The following STRN variants were observed in gnomAD, a reference collection of about 807,000 sequenced individuals.
STRN encodes striatin.
A neutral mutation model predicts 96.3 loss-of-function variants in STRN; 53 were observed. The observed-to-expected ratio is 0.55, with a 90% CI of 0.44 to 0.69. The LOEUF is 0.69. STRN is among the 30% of genes least tolerant of loss of function. The probability of loss-of-function intolerance (pLI) is 0.00; values close to 1 mark genes in which losing one functional copy is unlikely to be tolerated. For synonymous variants in STRN, 428 were observed against 355.9 expected (o/e 1.20, Z -2.28); for missense variants, 987 against 963.9 (o/e 1.02, Z -0.32).
At chr2:36,906,430 G>A (rs1669821204) in intron 3 of STRN, among the ~76,000 whole-genome samples, 1 of 151,846 alleles carries the variant, frequency 6.6e-6, no homozygotes, top group Admixed American at 6.6e-5. Context: ...CTGTACTCCA[G>A]CCTAGGCAAC....
At chr2:36,909,713 G>C (rs1328618522) in intron 3 of STRN, among the ~76,000 whole-genome samples, 2 of 152,206 alleles carry the variant, frequency 1.3e-5, no homozygotes, top group East Asian at 3.9e-4. Flanking sequence ...GAAATATGTA[G>C]AGAGGGCTAA....
chr2:36,936,977 T>C (rs1670716250), intron 1 of STRN, among the ~76,000 whole-genome samples: 1 of 152,134 alleles, frequency 6.6e-6, no homozygotes, highest in East Asian at 1.9e-4. Context: ...TCCAGGTCAA[T>C]ATAGTAAAAT....
intron 15 of STRN, among the ~76,000 whole-genome samples, chr2:36,854,560 T>C (rs1379237037): frequency 2.6e-5 from 4 of 152,216 alleles, no homozygotes; most frequent in African/African-American, 7.2e-5. Context: ...CACACATGCA[T>C]GTGCACACAC....
chr2:36,916,274 T>C, intron 2 of STRN, 123 bp from the exon 3 acceptor site: 3 of 774,128 alleles, frequency 3.9e-6, no homozygotes, highest in Non-Finnish European at 4.2e-6. Flanking sequence ...CAAAGGCTCA[T>C]AGCTTTCCAT....
chr2:36,966,528 C>A lies in STRN; in HGVS notation c.-65G>T. 1 of 1,358,258 alleles carries A rather than the reference C, an allele frequency of 7.4e-7. No individual in the cohort carries two copies. The highest frequency in any genetic ancestry group is 9.4e-7 in the Non-Finnish European group (1 of 1,059,872). The allele number at this position is 1,358,258 out of a possible 1,614,324, so 84.1% of individuals were successfully genotyped here. A position where few individuals can be genotyped will look rare whatever the true frequency, so the allele number is the denominator to read the frequency against. ...CAGCGGAGGCAACAGCGGCGGCAAG[C>A]AGCGCCTCCTCCTCCCTCCGCCGCT... On this transcript the variant is annotated 5_prime_UTR_variant, in exon 1 of 18. Transcript: ENST00000263918.
chr2:36,887,589 C>A (rs1395579622), intron 7 of STRN, among the ~76,000 whole-genome samples: 1 of 152,122 alleles, frequency 6.6e-6, no homozygotes, highest in South Asian at 2.1e-4. Context: ...AGGGATTGTA[C>A]AAAATAAACG....
chr2:36,852,418 T>G (rs566706322), intron 15 of STRN, among the ~76,000 whole-genome samples: 1 of 152,312 alleles, frequency 6.6e-6, no homozygotes, highest in East Asian at 1.9e-4. Flanking sequence ...TGTGTCAATG[T>G]TAAGTTTCCG....
At chr2:36,921,929 C>T (rs1235212905) in intron 2 of STRN, among the ~76,000 whole-genome samples, 1 of 152,008 alleles carries the variant, frequency 6.6e-6, no homozygotes, top group South Asian at 2.1e-4. Flanking sequence ...AAAAAAAATG[C>T]TATAAAGATC....
rs1668020711 is a variant in STRN, at chr2:36,844,606, G to T, written c.*4850C>A. 6.6e-6 allele frequency: 1 copy of T among 152,048 alleles called. No homozygotes were observed. The highest frequency in any genetic ancestry group is 2.4e-5 in the African/African-American group (1 of 41,400). The allele number at this position is 152,048 out of a possible 1,614,324, so 9.4% of individuals were successfully genotyped here. ...GATCCAGAAAATTCTGACCCCCTAAGCACCACTTTAGGAATACCGCCAGAA... is the reference window on the plus strand; with the variant it reads ...GATCCAGAAAATTCTGACCCCCTAATCACCACTTTAGGAATACCGCCAGAA... On this transcript the variant is annotated 3_prime_UTR_variant, in exon 18 of 18. Transcript: ENST00000263918.
intron 1 of STRN, among the ~76,000 whole-genome samples, chr2:36,952,174 T>C (rs774203191): frequency 5.9e-5 from 9 of 152,224 alleles, no homozygotes; most frequent in Admixed American, 2.0e-4. Flanking sequence ...AAGGACTATA[T>C]ACATCTATAT....
intron 9 of STRN, among the ~76,000 whole-genome samples, chr2:36,879,464 C>A (rs1051494445): frequency 3.3e-5 from 5 of 152,190 alleles, no homozygotes; most frequent in African/African-American, 1.2e-4. Flanking sequence ...CCTGAAATAT[C>A]CTATTTTGTA....
intron 1 of STRN, among the ~76,000 whole-genome samples, chr2:36,933,224 A>G (rs1333027553): frequency 6.6e-6 from 1 of 152,198 alleles, no homozygotes; most frequent in Admixed American, 6.5e-5. Context: ...CATTTACATT[A>G]AGTATTATAA....
chr2:36,916,705 G>C (rs1670108888), intron 2 of STRN, among the ~76,000 whole-genome samples: 1 of 152,084 alleles, frequency 6.6e-6, no homozygotes, highest in African/African-American at 2.4e-5. Flanking sequence ...CCAGTAGAAA[G>C]GAATTTTTTT....
intron 1 of STRN, among the ~76,000 whole-genome samples, chr2:36,959,548 T>C (rs1004151521): frequency 3.9e-5 from 6 of 152,210 alleles, no homozygotes; most frequent in African/African-American, 1.4e-4. Flanking sequence ...CTAACTGAGC[T>C]GATTATTTCC....
Position 36,898,441 on chromosome 2 carries a change from T to C in STRN, c.795+1082A>G, listed in dbSNP as rs558809307. ...GCAGGGCTTTACCAGTAGAGTACTA[T>C]TGAATAGTCGTGATGGAAAACAATA... is the stretch of plus-strand genomic sequence containing the variant. On this transcript the variant is annotated intron_variant, in intron 6 of 17. Coordinates refer to ENST00000263918, the MANE Select transcript of STRN (RefSeq NM_003162.4). Among the ~76,000 whole-genome samples, 22 of 152,380 alleles carry C rather than the reference T, an allele frequency of 1.4e-4. No individual in the cohort carries two copies. In the South Asian group the frequency reaches 3.7e-3, roughly 26 times the overall value.
At chr2:36,938,776 A>G (rs1349519891) in intron 1 of STRN, among the ~76,000 whole-genome samples, 1 of 152,168 alleles carries the variant, frequency 6.6e-6, no homozygotes, top group Non-Finnish European at 1.5e-5. Context: ...TCATGTAATC[A>G]TCCTTTATAT....
chr2:36,859,090 G>C (rs1202036948), intron 13 of STRN, among the ~76,000 whole-genome samples: 1 of 152,194 alleles, frequency 6.6e-6, no homozygotes, highest in African/African-American at 2.4e-5. Context: ...CTTTGAAATA[G>C]GAAGTAGATG....
chr2:36,942,866 T>C (rs1355701292), intron 1 of STRN, among the ~76,000 whole-genome samples: 1 of 148,976 alleles, frequency 6.7e-6, no homozygotes, highest in African/African-American at 2.5e-5. Flanking sequence ...CAGCTAATTT[T>C]TGAATTTTTG....
In STRN at chr2:36,902,662, G is replaced by A. The variant is rs754893597; in HGVS notation, c.581C>T (p.Thr194Met). The A allele has an allele frequency of 5.6e-6, 9 of 1,611,976 alleles. No individual in the cohort carries two copies. Among genetic ancestry groups the A allele is most frequent in the East Asian group, 2.2e-5 (1 of 44,774 alleles). Reference protein sequence around the residue: ...RALLGFSSDVTDREDDKNQDS... With the variant: ...RALLGFSSDVMDREDDKNQDS... ...CTGATTTTTGTCATCTTCCCTGTCC[G>A]TGACATCACTTGAAAAGCCCAACAA... The change falls in exon 5 of 18, where the codon ACG becomes ATG. Residue 194 changes from threonine (T) to methionine (M), a missense_variant. Coordinates refer to ENST00000263918, the MANE Select transcript of STRN (RefSeq NM_003162.4).
Sources: allele counts gnomAD v4.1 joint callset (sites outside exome capture counted in the v4.1 genomes callset), GRCh38; gene constraint gnomAD v4.1.1; transcripts MANE v1.5; gene names NCBI Gene and HGNC (gene_info 2026-07-23, HGNC 2026-07-21).